RNASEH2B: variants seen among roughly 807,000 people sequenced by gnomAD.
RNASEH2B encodes Aicardi-Goutieres syndrome 2 protein.
A neutral mutation model predicts 45.0 loss-of-function variants in RNASEH2B; 36 were observed. That is an observed-to-expected ratio of 0.80 (90% CI 0.61 to 1.06). The LOEUF (loss-of-function observed/expected upper bound fraction) is 1.06. Among genes scored for constraint, RNASEH2B ranks in the 50% least tolerant of loss-of-function variants. The pLI, the probability that RNASEH2B is intolerant of heterozygous loss-of-function variation, is 0.00. For synonymous variants in RNASEH2B, 119 were observed against 125.7 expected, an observed-to-expected ratio of 0.95 and a Z score of 0.35; for missense variants, 361 against 360.3, an observed-to-expected ratio of 1.00 and a Z score of -0.02.
chr13:50,941,025 G>T (rs892202237), intron 5 of RNASEH2B: 1 of 152,042 alleles, frequency 6.6e-6, no homozygotes, highest in African/African-American at 2.4e-5. Flanking sequence ...TCGAAGATGG[G>T]GACAAATCAT....
At chr13:50,913,295 T>A (rs1394011797) in intron 1 of RNASEH2B, among the ~76,000 whole-genome samples, 2 of 152,214 alleles carry the variant, frequency 1.3e-5, no homozygotes, top group Admixed American at 1.3e-4. Flanking sequence ...AGTAAATGTT[T>A]GAGTCATATT....
At chr13:50,943,421 G>T in intron 6 of RNASEH2B, 27 bp downstream of exon 6, 1 of 1,497,554 alleles carries the variant, frequency 6.7e-7, no homozygotes, top group Non-Finnish European at 9.3e-7. Flanking sequence ...GTGCCTTGTG[G>T]TAAAAGTAAA....
In RNASEH2B at chr13:50,909,823, C is replaced by A. The variant is rs1022884711; in HGVS notation, c.-254C>A. 1 of 401,900 alleles carries A rather than the reference C, an allele frequency of 2.5e-6. No homozygotes were observed. The highest frequency in any genetic ancestry group is 2.1e-5 in the African/African-American group (1 of 47,422). 24.9% of individuals were successfully genotyped at this position (401,900 alleles called of 1,614,324 possible). A position where few individuals can be genotyped will look rare whatever the true frequency, so the allele number is the denominator to read the frequency against. Reference sequence around the variant, plus strand: ...GAGCCGCGAGGGAGAGGCCGCGGCCCCTTCCCGTTGCCTGCGGCCACCGGC... The same window carrying A: ...GAGCCGCGAGGGAGAGGCCGCGGCCACTTCCCGTTGCCTGCGGCCACCGGC... On this transcript the variant is annotated 5_prime_UTR_variant, in exon 1 of 11. Transcript: ENST00000336617.
At chr13:50,926,448 G>A (rs941809263) in intron 1 of RNASEH2B, among the ~76,000 whole-genome samples, 1 of 152,000 alleles carries the variant, frequency 6.6e-6, no homozygotes, top group Non-Finnish European at 1.5e-5. Context: ...CTGTGAATAT[G>A]CCACTCAAAA....
intron 9 of RNASEH2B, chr13:50,952,306 T>C (rs138307593): frequency 6.6e-6 from 1 of 152,368 alleles, no homozygotes; most frequent in Non-Finnish European, 1.5e-5. Context: ...CCTTCAGCAT[T>C]ATTAGCTGTG....
At chr13:50,933,339 C>T (rs1220568410) in intron 4 of RNASEH2B, among the ~76,000 whole-genome samples, 3 of 152,190 alleles carry the variant, frequency 2.0e-5, no homozygotes, top group Admixed American at 6.5e-5. Flanking sequence ...GGCGAGCTCA[C>T]GTTGACAAGT....
intron 4 of RNASEH2B, among the ~76,000 whole-genome samples, chr13:50,932,972 G>A (rs1052326088): frequency 9.2e-5 from 14 of 152,224 alleles, no homozygotes; most frequent in Middle Eastern, 3.4e-3. Flanking sequence ...TTATCCCTTC[G>A]TTTAATCATG....
chr13:50,952,155 G>A (rs1389384106), intron 9 of RNASEH2B: 6 of 152,116 alleles, frequency 3.9e-5, no homozygotes, highest in African/African-American at 1.4e-4. Context: ...GGGCAACACA[G>A]TGAAACCCTG....
chr13:50,951,101 C>T (rs1951970224), intron 9 of RNASEH2B: 1 of 152,256 alleles, frequency 6.6e-6, no homozygotes, highest in African/African-American at 2.4e-5. Flanking sequence ...CATCATTTGC[C>T]AAGCCCTGAT....
intron 5 of RNASEH2B, chr13:50,937,480 G>C (rs142713132): frequency 6.6e-6 from 1 of 152,078 alleles, no homozygotes; most frequent in African/African-American, 2.4e-5. Flanking sequence ...TCCCGCCTCA[G>C]CCTCCTAAAG....
In RNASEH2B at chr13:50,944,951, A is replaced by G. The variant is rs144875418; in HGVS notation, c.511-476A>G. The stretch of plus-strand genomic sequence containing the variant: ...ATTTCCTAGGAAGTGGGAAATTTAT[A>G]TTATTCTATTTAGGAAGTTATTACA... On this transcript the variant is annotated intron_variant, in intron 6 of 10. Transcript: ENST00000336617. 3.8e-3 allele frequency among the ~76,000 whole-genome samples: 577 copies of G among 152,310 alleles called. 8 individuals carry two copies. The East Asian group carries it at 0.048, about 13-fold the overall frequency.
At chr13:50,919,429 A>G (rs1044606561) in intron 1 of RNASEH2B, among the ~76,000 whole-genome samples, 2 of 152,212 alleles carry the variant, frequency 1.3e-5, no homozygotes, top group Non-Finnish European at 2.9e-5. Context: ...ATATGCAGCT[A>G]TGTATAGAAT....
chr13:50,922,628 A>C (rs886928322), intron 1 of RNASEH2B, among the ~76,000 whole-genome samples: 2 of 152,180 alleles, frequency 1.3e-5, no homozygotes, highest in African/African-American at 4.8e-5. Flanking sequence ...TAAACAAACA[A>C]ACAGCAACAA....
intron 10 of RNASEH2B, 147 bp downstream of exon 10, chr13:50,954,132 G>A: frequency 1.4e-6 from 1 of 697,060 alleles, no homozygotes; most frequent in Admixed American, 2.1e-5. Context: ...TAATAATTAA[G>A]AATTGCATAT....
chr13:50,935,367 G>A (rs989417669), intron 5 of RNASEH2B: 6 of 288,242 alleles, frequency 2.1e-5, no homozygotes, highest in South Asian at 7.8e-5. Flanking sequence ...AGCATTTATC[G>A]AGCACCTTCC....
chr13:50,930,012 C>G, intron 3 of RNASEH2B: 1 of 252,942 alleles, frequency 4.0e-6, no homozygotes, highest in South Asian at 4.9e-5. Flanking sequence ...CATATACCTG[C>G]CTGCCCACCT....
chr13:50,933,210 T>C (rs1054103392), intron 4 of RNASEH2B, among the ~76,000 whole-genome samples: 1 of 152,222 alleles, frequency 6.6e-6, no homozygotes, highest in Non-Finnish European at 1.5e-5. Context: ...AGCAAATGTA[T>C]TGATCTGCAC....
In RNASEH2B at chr13:50,909,954, C is replaced by A; in HGVS notation, c.-123C>A. ...TTCGGTCCCTGGGCCTCCTCCCGGGCGCTGCCGGTCCCTCAGCGCGCCGCG... is the reference window on the plus strand; with the variant it reads ...TTCGGTCCCTGGGCCTCCTCCCGGGAGCTGCCGGTCCCTCAGCGCGCCGCG... On this transcript the variant is annotated 5_prime_UTR_variant, in exon 1 of 11. Coordinates refer to ENST00000336617, the MANE Select transcript of RNASEH2B (RefSeq NM_024570.4). 2 of 728,448 alleles carry A rather than the reference C, an allele frequency of 2.7e-6. No homozygotes were observed. The highest frequency in any genetic ancestry group is 4.2e-6 in the Non-Finnish European group (2 of 478,894). 45.1% of individuals were successfully genotyped at this position (728,448 alleles called of 1,614,324 possible).
At chr13:50,956,838 G>T, downstream of RNASEH2B, 1 of 597,622 alleles carries the variant, frequency 1.7e-6, no homozygotes, top group Non-Finnish European at 2.1e-6. Context: ...TATACTGAGA[G>T]AAACTGGATT....
Sources: allele counts gnomAD v4.1 joint callset (sites outside exome capture counted in the v4.1 genomes callset), GRCh38; gene constraint gnomAD v4.1.1; transcripts MANE v1.5; gene names NCBI Gene and HGNC (gene_info 2026-07-23, HGNC 2026-07-21).